TUSC3: variants seen among roughly 807,000 people sequenced by gnomAD.
TUSC3 encodes the protein dolichyl-diphosphooligosaccharide--protein glycosyltransferase subunit TUSC3.
A neutral mutation model predicts 44.8 loss-of-function variants in TUSC3; 45 were observed. The ratio of observed to expected loss-of-function variants is 1.00; its 90% CI spans 0.79 to 1.29. TUSC3 has a LOEUF of 1.29. Among genes scored for constraint, TUSC3 ranks in the 50% most tolerant of loss-of-function variants. The pLI, the probability that TUSC3 is intolerant of heterozygous loss-of-function variation, is 0.00. For synonymous variants in TUSC3, 212 were observed against 152.9 expected (o/e 1.39, Z -2.85); for missense variants, 519 against 437.9 (o/e 1.19, Z -1.65).
the TUSC3 span, among the ~76,000 whole-genome samples, chr8:15,808,999 T>C: frequency 6.6e-6 from 1 of 152,188 alleles, no homozygotes; most frequent in Non-Finnish European, 1.5e-5. Context: ...CAAGTTTGGC[T>C]CCTCACTGCT....
chr8:15,839,527 A>G, the TUSC3 span, among the ~76,000 whole-genome samples: 1 of 152,126 alleles, frequency 6.6e-6, no homozygotes. Context: ...ACAAATTTAC[A>G]AGAAAAAAAA....
intron 1 of TUSC3, among the ~76,000 whole-genome samples, chr8:15,451,986 C>T (rs1800201400): frequency 6.6e-6 from 1 of 152,062 alleles, no homozygotes; most frequent in South Asian, 2.1e-4. Context: ...ACATAAAAGG[C>T]AGCCAAAAGA....
chr8:15,830,586 G>C, the TUSC3 span, among the ~76,000 whole-genome samples: 2 of 152,162 alleles, frequency 1.3e-5, no homozygotes, highest in Non-Finnish European at 2.9e-5. Flanking sequence ...CCATAGAAAA[G>C]AATGAAATTC....
At chr8:15,459,042 C>T (rs1044314878) in intron 1 of TUSC3, among the ~76,000 whole-genome samples, 1 of 152,100 alleles carries the variant, frequency 6.6e-6, no homozygotes, top group African/African-American at 2.4e-5. Context: ...TATGATCTCC[C>T]CAAATGTTCT....
At chr8:15,666,454 T>C (rs564561572) in intron 5 of TUSC3, among the ~76,000 whole-genome samples, 1 of 151,522 alleles carries the variant, frequency 6.6e-6, no homozygotes, top group South Asian at 2.1e-4. Flanking sequence ...TTTAATTAAA[T>C]TTTTTGAAAA....
chr8:15,779,499 A>T, the TUSC3 span, among the ~76,000 whole-genome samples: 1 of 152,200 alleles, frequency 6.6e-6, no homozygotes, highest in South Asian at 2.1e-4. Flanking sequence ...TGTAATATGG[A>T]AGCTGTCTAA....
intron 8 of TUSC3, 35 bp from the exon 9 acceptor site, chr8:15,748,340 T>C (rs1811513340): frequency 2.7e-6 from 4 of 1,498,132 alleles, no homozygotes; most frequent in Non-Finnish European, 3.7e-6. Context: ...TTTGCATATT[T>C]TTAGACACTA....
At chr8:15,429,341 G>A (rs561411655) in intron 1 of TUSC3, among the ~76,000 whole-genome samples, 3 of 149,318 alleles carry the variant, frequency 2.0e-5, no homozygotes, top group Non-Finnish European at 2.9e-5. Context: ...CTCTGTTTTG[G>A]TACCAGTACC....
intron 1 of TUSC3, among the ~76,000 whole-genome samples, chr8:15,564,880 G>C (rs1374585981): frequency 6.6e-6 from 1 of 152,120 alleles, no homozygotes; most frequent in South Asian, 2.1e-4. Flanking sequence ...GTGTGTCCCT[G>C]AGATTTGGAA....
At chr8:15,829,198 A>T in the TUSC3 span, among the ~76,000 whole-genome samples, 1 of 151,312 alleles carries the variant, frequency 6.6e-6, no homozygotes, top group Admixed American at 6.6e-5. Flanking sequence ...ATTAAATTAC[A>T]TTTGTTTCTA....
intron 6 of TUSC3, among the ~76,000 whole-genome samples, chr8:15,674,377 C>T (rs556591734): frequency 3.7e-4 from 57 of 152,038 alleles, no homozygotes; most frequent in African/African-American, 1.3e-3. Flanking sequence ...CTTCTCTTTA[C>T]GTTTGGTGAA....
intron 1 of TUSC3, among the ~76,000 whole-genome samples, chr8:15,602,230 T>C (rs1804318251): frequency 6.6e-6 from 1 of 151,692 alleles, no homozygotes; most frequent in Non-Finnish European, 1.5e-5. Flanking sequence ...TCAGCCTATA[T>C]ATAGGCCTTC....
chr8:15,477,439 A>G (rs1014840698), intron 1 of TUSC3, among the ~76,000 whole-genome samples: 1 of 152,154 alleles, frequency 6.6e-6, no homozygotes, highest in South Asian at 2.1e-4. Flanking sequence ...TAGGTTATAA[A>G]ATATAATTAT....
intron 2 of TUSC3, among the ~76,000 whole-genome samples, chr8:15,525,803 G>A (rs2129130164): frequency 6.6e-6 from 1 of 152,256 alleles, no homozygotes; most frequent in South Asian, 2.1e-4. Flanking sequence ...CAACAGCAGA[G>A]ACACAGGTGC....
Position 15,434,336 on chromosome 8 carries a change from A to G in TUSC3, n.91+17031A>G, listed in dbSNP as rs977446822. Among the ~76,000 whole-genome samples, 6 of 152,276 alleles carry G rather than the reference A, an allele frequency of 3.9e-5. No individual in the cohort carries two copies. In the East Asian group the frequency reaches 1.2e-3, roughly 29 times the overall value. On this transcript the variant is annotated intron_variant and non_coding_transcript_variant, in intron 1 of 5. Coordinates refer to the TUSC3 transcript ENST00000503191. ...AGTAAAACTTCTTTAAGTAGTTTGG[A>G]TACAAATTCTTTGTCAGATACATGT...
intron 1 of TUSC3, among the ~76,000 whole-genome samples, chr8:15,617,144 T>C (rs1224002543): frequency 1.2e-4 from 1 of 8,610 alleles, no homozygotes; most frequent in East Asian, 3.1e-3. Context: ...ATATATTTTT[T>C]TTTTTTTTTT....
At chr8:15,840,133 A>G in the TUSC3 span, among the ~76,000 whole-genome samples, 2 of 152,164 alleles carry the variant, frequency 1.3e-5, no homozygotes, top group African/African-American at 4.8e-5. Context: ...AAGACCAAAA[A>G]AACAAACACC....
intron 6 of TUSC3, among the ~76,000 whole-genome samples, chr8:15,692,357 A>ACCCCCCCC (rs57593991): frequency 1.1e-5 from 1 of 88,132 alleles, no homozygotes; most frequent in Non-Finnish European, 2.1e-5. Flanking sequence ...TTGGGAGGAG[A>ACCCCCCCC]CCCCCCCCCC....
At chr8:15,636,434 C>A (rs1351952159) in intron 2 of TUSC3, among the ~76,000 whole-genome samples, 1 of 152,040 alleles carries the variant, frequency 6.6e-6, no homozygotes, top group Admixed American at 6.5e-5. Context: ...ACGCTTAATA[C>A]CTTAGTCATC....
Sources: gnomAD v4.1 joint callset for allele counts (sites outside exome capture counted in the v4.1 genomes callset) on GRCh38, gnomAD v4.1.1 for gene constraint, MANE v1.5 for transcripts, NCBI Gene and HGNC (gene_info 2026-07-23, HGNC 2026-07-21) for gene names.